DCAF1: variants seen among roughly 807,000 people sequenced by gnomAD.
The protein encoded by DCAF1 is DDB1 and CUL4 associated factor 1.
DCAF1 carries 15 observed loss-of-function variants against 128.0 expected under a neutral mutation model. The ratio of observed to expected loss-of-function variants is 0.12; its 90% CI spans 0.08 to 0.18. The LOEUF (loss-of-function observed/expected upper bound fraction) is 0.18. Among genes scored for constraint, DCAF1 ranks in the 10% least tolerant of loss-of-function variants. DCAF1 has a pLI of 1.00. For synonymous variants in DCAF1, 610 were observed against 603.0 expected (o/e 1.01, Z -0.17); for missense variants, 988 against 1,649.5 (o/e 0.60, Z 6.95).
intron 16 of DCAF1, 58 bp downstream of exon 16, chr3:51,418,620 T>C (rs1699111796): frequency 1.9e-6 from 3 of 1,553,686 alleles, no homozygotes; most frequent in South Asian, 1.2e-5. Context: ...TCCTTTACTC[T>C]AGTTCACCAA....
chr3:51,396,131 C>A, downstream of DCAF1: 1 of 404,476 alleles, frequency 2.5e-6, no homozygotes, highest in Non-Finnish European at 4.5e-6. Flanking sequence ...CTTCTCTGGG[C>A]TACCTATCTT....
intron 4 of DCAF1, among the ~76,000 whole-genome samples, chr3:51,468,350 T>C (rs535649178): frequency 6.6e-6 from 1 of 152,168 alleles, no homozygotes; most frequent in African/African-American, 2.4e-5. Context: ...TCCTGTATTT[T>C]TAGTAGAGTC....
chr3:51,425,653 C>T (rs1444060540), intron 13 of DCAF1, among the ~76,000 whole-genome samples: 1 of 148,462 alleles, frequency 6.7e-6, no homozygotes, highest in Non-Finnish European at 1.5e-5. Flanking sequence ...TTCTCTACCT[C>T]CTGGGCTCAA....
chr3:51,466,078 T>C (rs953817233), intron 5 of DCAF1, among the ~76,000 whole-genome samples: 2 of 152,054 alleles, frequency 1.3e-5, no homozygotes, highest in Non-Finnish European at 2.9e-5. Flanking sequence ...GGCAGGCACC[T>C]GTGGTCCCAG....
chr3:51,418,906 A>G (rs782467991), intron 15 of DCAF1, 30 bp from the exon 16 acceptor site: 1 of 1,570,848 alleles, frequency 6.4e-7, no homozygotes, highest in Admixed American at 1.9e-5. Context: ...AATCACAGGC[A>G]AAGAATGTGC....
chr3:51,427,902 G>A (rs1700040556), intron 12 of DCAF1, among the ~76,000 whole-genome samples: 2 of 152,066 alleles, frequency 1.3e-5, no homozygotes, highest in South Asian at 2.1e-4. Flanking sequence ...AGACTCAAGC[G>A]ATCCTCCCAC....
intron 24 of DCAF1, among the ~76,000 whole-genome samples, chr3:51,399,483 A>C (rs1346994170): frequency 1.4e-4 from 21 of 152,378 alleles, no homozygotes; most frequent in African/African-American, 5.1e-4. Context: ...CAGCGGGAGC[A>C]GTGTGACGCC....
In DCAF1 at chr3:51,441,702, T is replaced by G. The variant is rs1427916603; in HGVS notation, c.709A>C (p.Met237Leu). ...DGDQEEASGD[M>L]EISFHLDSGH... is the part of the protein sequence containing the mutation. ...GAATCAAGATGAAAGGAGATCTCCATGTCTCCAGAAGCTTCCTCTTGGTCT... is the reference window on the plus strand; with the variant it reads ...GAATCAAGATGAAAGGAGATCTCCAGGTCTCCAGAAGCTTCCTCTTGGTCT... Residue 237 changes from methionine to leucine, a missense_variant, in exon 8 of 25, where the codon ATG becomes CTG. By Grantham distance (15) the Met-to-Leu change is conservative. Transcript: ENST00000684031. 3.7e-6 allele frequency: 6 copies of G among 1,614,000 alleles called. No homozygotes were observed. The highest frequency in any genetic ancestry group is 1.3e-5 in the African/African-American group (1 of 75,058).
In DCAF1 at chr3:51,413,314, C is replaced by T. The variant is rs1169094893; in HGVS notation, c.4004G>A (p.Arg1335Gln). Residue 1335 changes from arginine to glutamine, a missense_variant, in exon 21 of 25, where the codon CGA (arginine) becomes CAA (glutamine). Transcript: ENST00000684031. The part of the protein sequence containing the change: ...RMKSPFGSSF[R>Q]TFNATDYKPI... Reference sequence around the variant, plus strand: ...TTTGTAGTCAGTTGCATTAAATGTTCGGAAGGATGACCCAAAGGGGCTTTT... The same window carrying T: ...TTTGTAGTCAGTTGCATTAAATGTTTGGAAGGATGACCCAAAGGGGCTTTT... The T allele has an allele frequency of 7.4e-6, 12 of 1,613,414 alleles. No homozygotes were observed. Among genetic ancestry groups the T allele is most frequent in the East Asian group, 2.2e-5 (1 of 44,880 alleles).
chr3:51,413,534 C>G, intron 20 of DCAF1, 148 bp from the exon 21 acceptor site: 7 of 1,299,934 alleles, frequency 5.4e-6, no homozygotes, highest in Non-Finnish European at 1.0e-6. Flanking sequence ...TACTCTGCAT[C>G]TAGTTAGCTC....
downstream of DCAF1, chr3:51,396,332 GTAACACCCTGGCATGACATTCC>G (rs1435129489): frequency 5.7e-6 from 1 of 174,048 alleles, no homozygotes; most frequent in Non-Finnish European, 1.4e-5. Flanking sequence ...TTGGTGAGGA[GTAACACCCTGGCATGACATTCC>G]TTCTCTTTCC....
intron 4 of DCAF1, 21 bp from the exon 5 acceptor site, chr3:51,466,897 GAACA>G (rs1553646695): frequency 2.5e-6 from 4 of 1,611,912 alleles, no homozygotes; most frequent in Admixed American, 1.7e-5. Flanking sequence ...AAGAGGGGAG[GAACA>G]AACAAAGGAA....
intron 6 of DCAF1, among the ~76,000 whole-genome samples, chr3:51,456,954 A>G (rs1702986910): frequency 6.6e-6 from 1 of 152,166 alleles, no homozygotes. Flanking sequence ...ACAACCACAA[A>G]GATGGGAAAA....
chr3:51,436,398 C>T (rs1553636700), intron 9 of DCAF1: 1 of 519,962 alleles, frequency 1.9e-6, no homozygotes, highest in African/African-American at 1.9e-5. Flanking sequence ...GCATGTATAA[C>T]CAATGGGATC....
At chr3:51,496,002 A>T (rs1029785205) in intron 2 of DCAF1, among the ~76,000 whole-genome samples, 3 of 151,538 alleles carry the variant, frequency 2.0e-5, no homozygotes, top group Admixed American at 1.3e-4. Flanking sequence ...TCAAGGAAAA[A>T]AAAAAAAGGC....
intron 9 of DCAF1, 91 bp from the exon 10 acceptor site, chr3:51,433,355 A>C (rs957885234): frequency 1.5e-5 from 6 of 396,996 alleles, no homozygotes; most frequent in Non-Finnish European, 2.2e-5. Context: ...TTAAATACAA[A>C]AGCCCTCTAA....
At chr3:51,414,202 T>C (rs549469522) in intron 19 of DCAF1, among the ~76,000 whole-genome samples, 159 bp from the exon 20 acceptor site, 3 of 152,362 alleles carry the variant, frequency 2.0e-5, no homozygotes, top group South Asian at 2.1e-4. Flanking sequence ...ATGCATATTA[T>C]TGAATGATGT....
intron 12 of DCAF1, among the ~76,000 whole-genome samples, chr3:51,428,589 T>A (rs1553634712): frequency 6.6e-6 from 1 of 152,184 alleles, no homozygotes; most frequent in African/African-American, 2.4e-5. Context: ...CAGCTACTCG[T>A]CATTATCCCA....
chr3:51,433,863 T>G (rs1386911218), intron 9 of DCAF1, among the ~76,000 whole-genome samples: 1 of 150,494 alleles, frequency 6.6e-6, no homozygotes, highest in Non-Finnish European at 1.5e-5. Flanking sequence ...GGCAGATCAC[T>G]TGAGGTCAGG....
Sources: allele counts gnomAD v4.1 joint callset (sites outside exome capture counted in the v4.1 genomes callset), GRCh38; gene constraint gnomAD v4.1.1; transcripts MANE v1.5; gene names NCBI Gene and HGNC (gene_info 2026-07-23, HGNC 2026-07-21).